The following HDAC9 variants were observed in gnomAD, a reference collection of about 807,000 sequenced individuals.
HDAC9 encodes the protein MEF-2 interacting transcription repressor (MITR) protein.
HDAC9 carries 41 observed loss-of-function variants against 139.4 expected under a neutral mutation model. The ratio of observed to expected loss-of-function variants is 0.29; its 90% confidence interval spans 0.23 to 0.38. The LOEUF (loss-of-function observed/expected upper bound fraction) is 0.38, where lower values mean the gene tolerates loss of function less well. Among genes scored for constraint, HDAC9 ranks in the 10% least tolerant of loss-of-function variants. The pLI is 1.00. For missense variants in HDAC9, 1,147 were observed against 1,297.0 expected (o/e 0.88, Z 1.78); for synonymous variants, 517 against 476.2 (o/e 1.09, Z -1.12).
intron 2 of HDAC9, among the ~76,000 whole-genome samples, chr7:18,229,415 T>C (rs1214112511): frequency 6.6e-6 from 1 of 152,218 alleles, no homozygotes; most frequent in African/African-American, 2.4e-5. Flanking sequence ...AAAAGTAGAG[T>C]GCAGGGATGC....
intron 1 of HDAC9, 25 bp from the exon 2 acceptor site, chr7:18,496,237 G>T (rs568613786): frequency 1.2e-6 from 2 of 1,611,500 alleles, no homozygotes; most frequent in East Asian, 4.5e-5. Context: ...GACAATTTAC[G>T]AGAGTGACTC....
intron 2 of HDAC9, among the ~76,000 whole-genome samples, chr7:18,537,992 T>G (rs1217408250): frequency 6.6e-6 from 1 of 152,258 alleles, no homozygotes; most frequent in East Asian, 1.9e-4. Context: ...TCTGCTCTAT[T>G]CTGTGCTTCA....
chr7:18,976,901 G>A (rs944643111), intron 25 of HDAC9, among the ~76,000 whole-genome samples: 1 of 152,236 alleles, frequency 6.6e-6, no homozygotes, highest in East Asian at 1.9e-4. Flanking sequence ...CATTAATTAC[G>A]CAGATCCTGC....
chr7:18,500,329 G>T (rs1177134747), intron 2 of HDAC9, among the ~76,000 whole-genome samples: 2 of 152,150 alleles, frequency 1.3e-5, no homozygotes, highest in Non-Finnish European at 2.9e-5. Flanking sequence ...AAATAATGAA[G>T]TGAGCCCAAA....
intron 23 of HDAC9, among the ~76,000 whole-genome samples, chr7:18,950,673 G>T (rs955364022): frequency 6.6e-6 from 1 of 151,972 alleles, no homozygotes; most frequent in African/African-American, 2.4e-5. Context: ...AAGAATATTT[G>T]TGGGGGAAAG....
intron 1 of HDAC9, among the ~76,000 whole-genome samples, chr7:18,141,379 A>T (rs944232981): frequency 3.3e-5 from 5 of 152,302 alleles, no homozygotes; most frequent in Admixed American, 3.3e-4. Flanking sequence ...TCCAAGGTGC[A>T]GAGAGTCTAA....
At chr7:18,670,617 G>T (rs1456378505) in intron 12 of HDAC9, among the ~76,000 whole-genome samples, 1 of 152,040 alleles carries the variant, frequency 6.6e-6, no homozygotes, top group African/African-American at 2.4e-5. Flanking sequence ...CTGCAAAAGA[G>T]AAATTAAAGA....
intron 21 of HDAC9, among the ~76,000 whole-genome samples, chr7:18,858,859 G>A (rs1797882571): frequency 6.6e-6 from 1 of 152,130 alleles, no homozygotes; most frequent in Admixed American, 6.6e-5. Context: ...TGAAGTTTGA[G>A]TGGCATACCT....
intron 16 of HDAC9, among the ~76,000 whole-genome samples, chr7:18,770,987 G>A (rs1486999337): frequency 1.3e-5 from 2 of 152,102 alleles, no homozygotes; most frequent in Non-Finnish European, 2.9e-5. Context: ...TTATCCTACA[G>A]CAGACAAGCT....
At chr7:18,725,707 G>T (rs900640849) in intron 12 of HDAC9, among the ~76,000 whole-genome samples, 2 of 152,084 alleles carry the variant, frequency 1.3e-5, no homozygotes, top group Non-Finnish European at 2.9e-5. Flanking sequence ...ATGTGGAAAA[G>T]CTTCCTTTTC....
intron 1 of HDAC9, among the ~76,000 whole-genome samples, chr7:18,294,867 G>A (rs1798041592): frequency 6.6e-6 from 1 of 152,070 alleles, no homozygotes; most frequent in African/African-American, 2.4e-5. Flanking sequence ...GGGGTGTAGG[G>A]GCAGTGGACA....
intron 2 of HDAC9, among the ~76,000 whole-genome samples, chr7:18,214,094 G>A (rs982268665): frequency 6.6e-6 from 1 of 151,954 alleles, no homozygotes; most frequent in African/African-American, 2.4e-5. Flanking sequence ...TTGCATTTAA[G>A]CCTCACTACA....
chr7:18,830,496 C>G (rs2129206947), intron 19 of HDAC9, among the ~76,000 whole-genome samples: 1 of 152,256 alleles, frequency 6.6e-6, no homozygotes, highest in African/African-American at 2.4e-5. Context: ...TTGTTCATAT[C>G]TGCACTCATA....
chr7:18,544,123 G>A (rs1041268220), intron 2 of HDAC9, among the ~76,000 whole-genome samples: 1 of 152,212 alleles, frequency 6.6e-6, no homozygotes, highest in Non-Finnish European at 1.5e-5. Flanking sequence ...AGTGAAAGCA[G>A]GATGGTCAGC....
At chr7:18,095,790 G>T (rs1782466412) in intron 1 of HDAC9, among the ~76,000 whole-genome samples, 1 of 152,128 alleles carries the variant, frequency 6.6e-6, no homozygotes, top group African/African-American at 2.4e-5. Flanking sequence ...AAACAACATT[G>T]AACTCTGTGA....
At chr7:18,925,237 A>G (rs1804110919) in intron 22 of HDAC9, among the ~76,000 whole-genome samples, 1 of 152,178 alleles carries the variant, frequency 6.6e-6, no homozygotes, top group Admixed American at 6.6e-5. Flanking sequence ...GGCTTGGATG[A>G]CAGGCACTAA....
intron 2 of HDAC9, among the ~76,000 whole-genome samples, chr7:18,180,493 G>T (rs987747390): frequency 6.6e-6 from 1 of 151,670 alleles, no homozygotes; most frequent in Non-Finnish European, 1.5e-5. Context: ...TCCATCCTGC[G>T]GCCATATGAG....
At chr7:18,372,474 G>A (rs1389135481) in intron 1 of HDAC9, among the ~76,000 whole-genome samples, 1 of 152,160 alleles carries the variant, frequency 6.6e-6, no homozygotes, top group Non-Finnish European at 1.5e-5. Context: ...TCCCTTAAGT[G>A]AAGACCACGT....
intron 16 of HDAC9, among the ~76,000 whole-genome samples, chr7:18,771,343 G>T (rs553621673): frequency 6.6e-6 from 1 of 152,194 alleles, no homozygotes; most frequent in East Asian, 1.9e-4. Context: ...ATGGGGAGAA[G>T]GATTAGGTGA....
Sources: gnomAD v4.1 joint callset for allele counts (sites outside exome capture counted in the v4.1 genomes callset) on GRCh38, gnomAD v4.1.1 for gene constraint, MANE v1.5 for transcripts, NCBI Gene and HGNC (gene_info 2026-07-23, HGNC 2026-07-21) for gene names.